CUL9: variants seen among roughly 807,000 people sequenced by gnomAD.
CUL9 encodes the protein cullin 9.
Under a neutral mutation model 272.6 loss-of-function variants are expected in CUL9, and 79 were observed. The ratio of observed to expected loss-of-function variants is 0.29; its 90% CI spans 0.24 to 0.35. The LOEUF (loss-of-function observed/expected upper bound fraction) is 0.35. CUL9 is among the 10% of genes least tolerant of loss of function. The probability of loss-of-function intolerance (pLI) is 1.00; values close to 1 mark genes in which losing one functional copy is unlikely to be tolerated. For synonymous variants in CUL9, 1,186 were observed against 1,286.5 expected (o/e 0.92, Z 1.67); for missense variants, 2,532 against 3,255.6 (o/e 0.78, Z 5.41).
intron 8 of CUL9, among the ~76,000 whole-genome samples, chr6:43,192,003 T>A (rs1396833909): frequency 6.6e-6 from 1 of 151,792 alleles, no homozygotes; most frequent in Non-Finnish European, 1.5e-5. Flanking sequence ...AGGGTTGTAG[T>A]TATTACAAGT....
intron 23 of CUL9, 21 bp downstream of exon 23, chr6:43,205,136 A>T (rs1774946014): frequency 6.4e-7 from 1 of 1,574,408 alleles, no homozygotes; most frequent in African/African-American, 1.4e-5. Context: ...CCAGCTCCCC[A>T]CAGGGCTATA....
rs374973573 is a variant in CUL9, at chr6:43,220,706, G to T, written c.6424-41G>T. 1.2e-6 allele frequency: 2 copies of T among 1,605,666 alleles called. No homozygotes were observed. The highest frequency in any genetic ancestry group is 8.5e-7 in the Non-Finnish European group (1 of 1,175,410). ...GGGGGCCTGGAGGTGTGGCATCCTGGAGAGCCATACCCTCACCTCGTGGCA... is the reference window on the plus strand; with the variant it reads ...GGGGGCCTGGAGGTGTGGCATCCTGTAGAGCCATACCCTCACCTCGTGGCA... On this transcript the variant is annotated intron_variant, in intron 32 of 40. Coordinates refer to ENST00000252050, the MANE Select transcript of CUL9 (RefSeq NM_015089.4). This position sits in a 1 kb window ranked among gnomAD's most constrained non-coding sequence, Gnocchi z 4.9.
At position 43,196,570 on chromosome 6, in the gene CUL9, C is replaced by T. The variant is rs1443945153; in HGVS notation, c.2586-75C>T. ...GCCCTTTGCTCCCTAGCTGCCCGGC[C>T]TTCTATGCTTGCTTTGCTGCTTCCA... On this transcript the variant is annotated intron_variant, in intron 10 of 40. Coordinates refer to ENST00000252050, the MANE Select transcript of CUL9 (RefSeq NM_015089.4). 10 of 1,340,852 alleles carry T rather than the reference C, an allele frequency of 7.5e-6. 1 individual carries two copies. The South Asian group carries it at 8.2e-5, about 11-fold the overall frequency. 83.1% of individuals were successfully genotyped at this position (1,340,852 alleles called of 1,614,324 possible).
At position 43,185,600 on chromosome 6, in the gene CUL9, A is replaced by G. The variant is rs1772833898; in HGVS notation, c.740A>G (p.His247Arg). 4 of 1,612,202 alleles carry G rather than the reference A, an allele frequency of 2.5e-6. No homozygotes were observed. The highest frequency in any genetic ancestry group is 3.4e-6 in the Non-Finnish European group (4 of 1,179,936). Residue 247 changes from histidine (H) to arginine (R), a missense_variant, in exon 3 of 41, where the codon CAT becomes CGT. Transcript: ENST00000252050. ...EEHCMAFEGI[H>R]LPQIPGKLLF... ...CACTGCATGGCCTTTGAGGGCATTC[A>G]TCTGCCTCAGGTACACTGCCAGCTG...
chr6:43,206,181 C>T lies in CUL9; in HGVS notation c.4968C>T (p.Asp1656=). The T allele has an allele frequency of 6.2e-7, 1 of 1,613,320 alleles. No homozygotes were observed. Among genetic ancestry groups the T allele is most frequent in the East Asian group, 2.2e-5 (1 of 44,866 alleles). ...ACCTCTTCCAGCTCCAGCGGCTCGA[C>T]AAGTTGTTCTTGGAGCAGGAAGATG... ...QFHLFQLQRL[D]KLFLEQEDEE... is the part of the protein sequence containing the mutation. Residue 1656 remains aspartate, a synonymous_variant, in exon 25 of 41, where the codon GAC becomes GAT. Coordinates refer to ENST00000252050, the MANE Select transcript of CUL9 (RefSeq NM_015089.4). The surrounding 1 kb of genome is among the most constrained non-coding windows in gnomAD (Gnocchi z 4.8).
intron 10 of CUL9, 115 bp from the exon 11 acceptor site, chr6:43,196,530 A>G (rs1318247082): frequency 5.8e-5 from 58 of 993,508 alleles, no homozygotes; most frequent in Non-Finnish European, 1.6e-5. Flanking sequence ...GTCCTGGCTC[A>G]GAGGGCCCAC....
At position 43,184,558 on chromosome 6, in the gene CUL9, G is replaced by T. The variant is rs371301456; in HGVS notation, c.248G>T (p.Arg83Leu). 1.2e-6 allele frequency: 2 copies of T among 1,613,046 alleles called. No individual in the cohort carries two copies. Among genetic ancestry groups the T allele is most frequent in the Non-Finnish European group, 1.7e-6 (2 of 1,179,264 alleles). Residue 83 changes from arginine to leucine, a missense_variant, in exon 2 of 41, where the codon CGG (arginine) becomes CTG (leucine). Transcript: ENST00000252050. The surrounding 1 kb of genome is among the most constrained non-coding windows in gnomAD (Gnocchi z 4.8). ...YANCPGLLGE[R>L]ALSKGLQHEP... Reference sequence around the variant, plus strand: ...AACTGCCCTGGGCTGTTAGGTGAGCGGGCACTATCTAAGGGACTTCAGCAC... The same window carrying T: ...AACTGCCCTGGGCTGTTAGGTGAGCTGGCACTATCTAAGGGACTTCAGCAC...
chr6:43,199,865 C>A lies in CUL9; in HGVS notation c.3157-64C>A. 1 of 1,332,400 alleles carries A rather than the reference C, an allele frequency of 7.5e-7. No homozygotes were observed. The highest frequency in any genetic ancestry group is 1.2e-5 in the South Asian group (1 of 84,540). 82.5% of individuals were successfully genotyped at this position (1,332,400 alleles called of 1,614,324 possible). On this transcript the variant is annotated intron_variant, in intron 13 of 40. Coordinates refer to ENST00000252050, the MANE Select transcript of CUL9 (RefSeq NM_015089.4). This position sits in a 1 kb window ranked among gnomAD's most constrained non-coding sequence, Gnocchi z 4.4. ...CGACACTTCCTTTACTGAACCCTCT[C>A]CTCAATCCTTACATGTCCTACCTCT...
Position 43,213,082 on chromosome 6 carries a change from C to A in CUL9, c.5213-67C>A. 1 of 1,565,790 alleles carries A rather than the reference C, an allele frequency of 6.4e-7. No individual in the cohort carries two copies. Among genetic ancestry groups the A allele is most frequent in the South Asian group, 1.2e-5 (1 of 85,400 alleles). Reference sequence around the variant, plus strand: ...GGACTAGTAGGAGCAAAGCTTGACACCTCAACCCCTAAACCCCTTGTTTCG... The same window carrying A: ...GGACTAGTAGGAGCAAAGCTTGACAACTCAACCCCTAAACCCCTTGTTTCG... On this transcript the variant is annotated intron_variant, in intron 26 of 40. Transcript: ENST00000252050. The surrounding 1 kb of genome is among the most constrained non-coding windows in gnomAD (Gnocchi z 5.7).
chr6:43,191,251 A>ATT (rs1209453907), intron 8 of CUL9, among the ~76,000 whole-genome samples: 4 of 80,194 alleles, frequency 5.0e-5, no homozygotes, highest in Non-Finnish European at 7.1e-5. Context: ...TCTAAATTGC[A>ATT]TTGTGTGTGT....
chr6:43,183,705 TCTTC>T (rs59921107), intron 1 of CUL9, among the ~76,000 whole-genome samples: 11,405 of 147,154 alleles, frequency 0.078, 501 homozygotes, highest in Middle Eastern at 0.12. Flanking sequence ...TTCCTTCCTT[TCTTC>T]CTTCCTTCCT....
intron 8 of CUL9, among the ~76,000 whole-genome samples, chr6:43,192,373 C>T (rs528674805): frequency 4.6e-5 from 7 of 152,068 alleles, no homozygotes; most frequent in African/African-American, 1.7e-4. Flanking sequence ...TCAACATTTC[C>T]AAGGCTTGGA....
At position 43,187,381 on chromosome 6, in the gene CUL9, AG is replaced by A; in HGVS notation, c.1524del (p.Lys508AsnfsTer27). On this transcript the variant is annotated frameshift_variant, in exon 6 of 41. Transcript: ENST00000252050. LOFTEE classifies it high-confidence loss of function. Reference protein sequence around the residue: ...EWWELLFFIKKLDLCEQQPIF... With the variant: ...EWWELLFFIKXLDLCEQQPIF... ...TGGGAGCTGCTTTTCTTTATCAAAA[AG>A]TTGGACTTGTGTGAGCAGCAGCCAA... is the stretch of plus-strand genomic sequence containing the variant. The A allele has an allele frequency of 6.2e-7, 1 of 1,614,120 alleles. No homozygotes were observed. The highest frequency in any genetic ancestry group is 8.5e-7 in the Non-Finnish European group (1 of 1,180,008).
At chr6:43,189,985 T>G (rs1442891115) in intron 8 of CUL9, among the ~76,000 whole-genome samples, 1 of 151,798 alleles carries the variant, frequency 6.6e-6, no homozygotes, top group Non-Finnish European at 1.5e-5. Flanking sequence ...TTTGTTTTAG[T>G]CTATGTAATC....
intron 20 of CUL9, 63 bp downstream of exon 20, chr6:43,204,050 G>C: frequency 6.6e-7 from 1 of 1,524,816 alleles, no homozygotes; most frequent in South Asian, 1.3e-5. Context: ...GGGATCACCT[G>C]AGTTAATGCT....
Position 43,220,718 on chromosome 6 carries a change from C to T in CUL9, c.6424-29C>T. Reference sequence around the variant, plus strand: ...GTGTGGCATCCTGGAGAGCCATACCCTCACCTCGTGGCACCTGCGTCTCCA... The same window carrying T: ...GTGTGGCATCCTGGAGAGCCATACCTTCACCTCGTGGCACCTGCGTCTCCA... On this transcript the variant is annotated intron_variant, in intron 32 of 40. Coordinates refer to ENST00000252050, the MANE Select transcript of CUL9 (RefSeq NM_015089.4). The surrounding 1 kb of genome is among the most constrained non-coding windows in gnomAD (Gnocchi z 4.9). 3 of 1,608,656 alleles carry T rather than the reference C, an allele frequency of 1.9e-6. No individual in the cohort carries two copies. Among genetic ancestry groups the T allele is most frequent in the Non-Finnish European group, 1.7e-6 (2 of 1,177,576 alleles).
intron 8 of CUL9, among the ~76,000 whole-genome samples, chr6:43,191,139 G>GT (rs1056625798): frequency 1.4e-4 from 21 of 150,102 alleles, no homozygotes; most frequent in Non-Finnish European, 2.8e-4. Flanking sequence ...CCATGATTTT[G>GT]TTTTTTTTAA....
Position 43,199,957 on chromosome 6 carries a change from A to T in CUL9, c.3185A>T (p.His1062Leu), listed in dbSNP as rs1334031733. Residue 1062 changes from histidine (H) to leucine (L), a missense_variant, in exon 14 of 41, where the codon CAT becomes CTT. His to Leu is a moderately conservative substitution (Grantham distance 99). Transcript: ENST00000252050. This position sits in a 1 kb window ranked among gnomAD's most constrained non-coding sequence, Gnocchi z 4.4. ...GTTCAGGAGCTGACCTGCTTCCTAC[A>T]TCGCCTGGCCTCGATGCATAAGGAC... is the stretch of plus-strand genomic sequence containing the variant. ...EIVQELTCFL[H>L]RLASMHKDYA... 1 of 1,614,136 alleles carries T rather than the reference A, an allele frequency of 6.2e-7. No homozygotes were observed.
intron 2 of CUL9, 102 bp from the exon 3 acceptor site, chr6:43,185,354 A>G: frequency 1.6e-6 from 2 of 1,223,014 alleles, no homozygotes; most frequent in Non-Finnish European, 2.3e-6. Context: ...GAGCCTTAGT[A>G]ACAAAGTTTG....
Sources: allele counts gnomAD v4.1 joint callset (sites outside exome capture counted in the v4.1 genomes callset), GRCh38; gene constraint gnomAD v4.1.1; non-coding constraint Gnocchi (gnomAD v3.1); transcripts MANE v1.5; gene names NCBI Gene and HGNC (gene_info 2026-07-23, HGNC 2026-07-21).